Variants in ARPP21 observed in about 807,000 individuals in gnomAD.
ARPP21 encodes the protein cAMP regulated phosphoprotein 21, also known as cAMP-regulated phosphoprotein 21.
ARPP21 carries 69 observed loss-of-function variants against 113.2 expected under a neutral mutation model. The ratio of observed to expected loss-of-function variants is 0.61; its 90% CI spans 0.50 to 0.74. The LOEUF (loss-of-function observed/expected upper bound fraction) is 0.74, where lower values mean the gene tolerates loss of function less well. Among genes scored for constraint, ARPP21 ranks in the 30% least tolerant of loss-of-function variants. ARPP21 has a pLI of 0.00. For missense variants in ARPP21, 1,070 were observed against 1,037.4 expected (o/e 1.03, Z -0.43); for synonymous variants, 368 against 375.5 (o/e 0.98, Z 0.23).
chr3:35,762,096 C>CCTCTCT (rs373149403), intron 19 of ARPP21, among the ~76,000 whole-genome samples: 2,284 of 135,968 alleles, frequency 0.017, 37 homozygotes, highest in African/African-American at 0.044. Context: ...CTCTCTCTCT[C>CCTCTCT]CTCTCTCTCT....
At chr3:35,690,042 C>T in intron 7 of ARPP21, 39 bp from the exon 8 acceptor site, 1 of 850,898 alleles carries the variant, frequency 1.2e-6, no homozygotes, top group Admixed American at 1.7e-5. Context: ...GGAAGTGGAA[C>T]ATACATAAAA....
intron 14 of ARPP21, among the ~76,000 whole-genome samples, chr3:35,724,592 G>T (rs2093385836): frequency 6.6e-6 from 1 of 152,144 alleles, no homozygotes; most frequent in East Asian, 1.9e-4. Context: ...CTCCTTGCCT[G>T]GGAACCACAC....
intron 15 of ARPP21, among the ~76,000 whole-genome samples, chr3:35,731,062 T>G (rs1226913862): frequency 6.6e-6 from 1 of 152,206 alleles, no homozygotes; most frequent in Non-Finnish European, 1.5e-5. Context: ...TCTGACTTTG[T>G]TGGCTTAAAT....
rs1001618590 is a variant in ARPP21 at position 35,761,370 on chromosome 3, T to C, written c.2137+17405T>C. Among the ~76,000 whole-genome samples, 31 of 152,098 alleles carry C rather than the reference T, an allele frequency of 2.0e-4. 1 individual carries two copies. The highest frequency in any genetic ancestry group is 1.8e-3 in the Admixed American group (27 of 15,242). Reference sequence around the variant, plus strand: ...CATCTGGCTAGCAGTTTTTGGCTACTTTTAACACAAATCTATTCATAAGAC... The same window carrying C: ...CATCTGGCTAGCAGTTTTTGGCTACCTTTAACACAAATCTATTCATAAGAC... On this transcript the variant is annotated intron_variant, in intron 19 of 20. Transcript: ENST00000684406.
chr3:35,673,742 A>G (rs11129665), intron 1 of ARPP21, among the ~76,000 whole-genome samples: 4,430 of 152,082 alleles, frequency 0.029, 216 homozygotes, highest in African/African-American at 0.099. Context: ...AAAGGTTTTA[A>G]TAACTCAAAC....
intron 1 of ARPP21, among the ~76,000 whole-genome samples, chr3:35,671,260 T>C (rs747973059): frequency 6.6e-6 from 1 of 152,114 alleles, no homozygotes. Flanking sequence ...TTCTCTTGCG[T>C]TTTCCATTTA....
At chr3:35,745,292 A>C (rs775839829) in intron 19 of ARPP21, among the ~76,000 whole-genome samples, 1 of 152,332 alleles carries the variant, frequency 6.6e-6, no homozygotes, top group East Asian at 1.9e-4. Flanking sequence ...GTTTAGATAC[A>C]TGCTGTAGAA....
intron 5 of ARPP21, among the ~76,000 whole-genome samples, chr3:35,686,496 T>C (rs1250194130): frequency 6.6e-6 from 1 of 151,642 alleles, no homozygotes; most frequent in Non-Finnish European, 1.5e-5. Flanking sequence ...TGGAGCCCCT[T>C]CCATAAAAGA....
At chr3:35,669,353 A>C (rs966036335) in intron 1 of ARPP21, among the ~76,000 whole-genome samples, 1 of 152,284 alleles carries the variant, frequency 6.6e-6, no homozygotes, top group South Asian at 2.1e-4. Flanking sequence ...AAAATCTTGA[A>C]GGTTTCACAA....
chr3:35,712,523 TGTGTGTGTGTG>T (rs2091445454), intron 11 of ARPP21, among the ~76,000 whole-genome samples: 2 of 105,688 alleles, frequency 1.9e-5, no homozygotes, highest in African/African-American at 8.0e-5. Context: ...TCTGTGTGTG[TGTGTGTGTGTG>T]TGTGTGTGTG....
At chr3:35,646,999 A>C (rs1043493598) in intron 1 of ARPP21, among the ~76,000 whole-genome samples, 1 of 152,170 alleles carries the variant, frequency 6.6e-6, no homozygotes, top group Non-Finnish European at 1.5e-5. Context: ...TGAAATTTTC[A>C]CGTAATCACT....
intron 13 of ARPP21, among the ~76,000 whole-genome samples, chr3:35,719,779 TAATA>T (rs1457427681): frequency 6.6e-6 from 1 of 152,238 alleles, no homozygotes; most frequent in African/African-American, 2.4e-5. Flanking sequence ...TGTTTTTCTA[TAATA>T]AATATTTCAA....
Position 35,792,476 on chromosome 3 carries a change from A to G in ARPP21, c.2232A>G (p.Gln744=), listed in dbSNP as rs746030770. The G allele has an allele frequency of 1.9e-6, 3 of 1,613,964 alleles. No homozygotes were observed. Among genetic ancestry groups the G allele is most frequent in the East Asian group, 4.5e-5 (2 of 44,884 alleles). The change falls in exon 20 of 21, where the codon CAA becomes CAG. Residue 744 remains glutamine, a synonymous_variant. Coordinates refer to ENST00000684406, the MANE Select transcript of ARPP21 (RefSeq NM_001385562.1). ...GTCAGAACGTGATAAATAACCAACAAGGAACTCCGGTGCAAAGCGTGATGG... is the reference window on the plus strand; with the variant it reads ...GTCAGAACGTGATAAATAACCAACAGGGAACTCCGGTGCAAAGCGTGATGG... ...PQSQNVINNQ[Q]GTPVQSVMVS...
chr3:35,691,970 T>C (rs2082368329), intron 9 of ARPP21, among the ~76,000 whole-genome samples: 1 of 151,400 alleles, frequency 6.6e-6, no homozygotes, highest in Non-Finnish European at 1.5e-5. Context: ...TTGGGACAAG[T>C]GGGGATGGAG....
intron 19 of ARPP21, among the ~76,000 whole-genome samples, chr3:35,784,005 T>C (rs898687261): frequency 6.6e-6 from 1 of 152,186 alleles, no homozygotes; most frequent in African/African-American, 2.4e-5. Context: ...ATGCTTCTCA[T>C]ATCCCTACAC....
intron 19 of ARPP21, among the ~76,000 whole-genome samples, chr3:35,766,839 G>GT (rs2095998659): frequency 6.6e-6 from 1 of 152,096 alleles, no homozygotes; most frequent in African/African-American, 2.4e-5. Flanking sequence ...ATATGTGTGT[G>GT]TGTGTGTGTG....
chr3:35,689,472 C>T, intron 7 of ARPP21, 87 bp downstream of exon 7: 1 of 739,612 alleles, frequency 1.4e-6, no homozygotes, highest in Non-Finnish European at 2.4e-6. Context: ...TCTAAGAAAG[C>T]CATTGTGAAA....
chr3:35,758,282 TG>T (rs886467787), intron 19 of ARPP21, among the ~76,000 whole-genome samples: 7 of 151,780 alleles, frequency 4.6e-5, no homozygotes, highest in African/African-American at 1.5e-4. Flanking sequence ...AGCATATACT[TG>T]GGGGGCGGGG....
rs1332326125 is a variant in ARPP21 at position 35,737,212 on chromosome 3, A to G, written c.1494A>G (p.Ala498=). ...TTGTGAATCCCGATGGAACTCCTGC[A>G]ATATACAACCCACCCACCAGTCAGC... ...QPFVNPDGTP[A]IYNPPTSQQP... is the part of the protein sequence containing the mutation. Residue 498 remains alanine (A), a synonymous_variant, in exon 16 of 21, where the codon GCA becomes GCG. Transcript: ENST00000684406. 7 of 1,611,870 alleles carry G rather than the reference A, an allele frequency of 4.3e-6. No homozygotes were observed. Among genetic ancestry groups the G allele is most frequent in the Non-Finnish European group, 5.9e-6 (7 of 1,178,706 alleles).
Sources: gnomAD v4.1 joint callset for allele counts (sites outside exome capture counted in the v4.1 genomes callset) on GRCh38, gnomAD v4.1.1 for gene constraint, MANE v1.5 for transcripts, NCBI Gene and HGNC (gene_info 2026-07-23, HGNC 2026-07-21) for gene names.